The following CBFA2T2 variants were observed in gnomAD, a reference collection of about 807,000 sequenced individuals.
CBFA2T2 encodes protein CBFA2T2.
A neutral mutation model predicts 62.2 loss-of-function variants in CBFA2T2; 11 were observed. The observed-to-expected ratio is 0.18, with a 90% CI of 0.11 to 0.29. The LOEUF is 0.29. CBFA2T2 is among the 10% of genes least tolerant of loss of function. The probability of loss-of-function intolerance (pLI) is 1.00; values close to 1 mark genes in which losing one functional copy is unlikely to be tolerated. For missense variants in CBFA2T2, 592 were observed against 774.1 expected, an observed-to-expected ratio of 0.76 and a Z score of 2.79; for synonymous variants, 295 against 287.5, an observed-to-expected ratio of 1.03 and a Z score of -0.27.
intron 1 of CBFA2T2, among the ~76,000 whole-genome samples, chr20:33,543,532 A>G (rs1272275481): frequency 6.6e-6 from 1 of 152,222 alleles, no homozygotes; most frequent in Non-Finnish European, 1.5e-5. Flanking sequence ...ATGAACACGT[A>G]CTAGAGAACC....
chr20:33,548,040 G>C (rs1665163426), intron 1 of CBFA2T2, among the ~76,000 whole-genome samples: 1 of 152,020 alleles, frequency 6.6e-6, no homozygotes, highest in Middle Eastern at 3.4e-3. Flanking sequence ...TTAAGTGCTG[G>C]GATTACAGGC....
chr20:33,574,966 C>T (rs1225039419), intron 1 of CBFA2T2, among the ~76,000 whole-genome samples: 1 of 152,056 alleles, frequency 6.6e-6, no homozygotes, highest in Non-Finnish European at 1.5e-5. Flanking sequence ...TTAAAGGGAG[C>T]CTGGATGAAT....
chr20:33,586,211 C>T (rs1047323123), intron 1 of CBFA2T2, among the ~76,000 whole-genome samples: 3 of 152,138 alleles, frequency 2.0e-5, no homozygotes, highest in Non-Finnish European at 4.4e-5. Context: ...CGGAGTCTTC[C>T]TCTGTCACCC....
At chr20:33,606,853 A>G in intron 1 of CBFA2T2, 103 bp from the exon 2 acceptor site, 1 of 1,117,786 alleles carries the variant, frequency 8.9e-7, no homozygotes, top group Non-Finnish European at 1.3e-6. Context: ...TCAGCCTATT[A>G]TACCAAGCAG....
intron 1 of CBFA2T2, among the ~76,000 whole-genome samples, chr20:33,553,207 T>G (rs2012787072): frequency 6.6e-6 from 1 of 152,182 alleles, no homozygotes; most frequent in African/African-American, 2.4e-5. Flanking sequence ...GCTACGTTGT[T>G]GCTATAAATC....
rs575038777 is a variant in CBFA2T2 at position 33,556,953 on chromosome 20, G to A, written c.35-50003G>A. Among the ~76,000 whole-genome samples, 5 of 137,136 alleles carry A rather than the reference G, an allele frequency of 3.6e-5. No homozygotes were observed. The South Asian group carries it at 1.2e-3, about 32-fold the overall frequency. The allele number at this position is 137,136 out of a possible 152,430, so 90.0% of individuals were successfully genotyped here. A position where few individuals can be genotyped will look rare whatever the true frequency, so the allele number is the denominator to read the frequency against. On this transcript the variant is annotated intron_variant, in intron 1 of 10. Coordinates refer to ENST00000342704, the MANE Select transcript of CBFA2T2 (RefSeq NM_001032999.3). ...TTTAGTGTTCTTTTGACATACCCCTGTCATTTTTGAGCAGTCTCTTACTTT... is the reference window on the plus strand; with the variant it reads ...TTTAGTGTTCTTTTGACATACCCCTATCATTTTTGAGCAGTCTCTTACTTT...
chr20:33,518,854 C>T (rs2146859824), intron 1 of CBFA2T2, among the ~76,000 whole-genome samples: 1 of 151,308 alleles, frequency 6.6e-6, no homozygotes, highest in African/African-American at 2.4e-5. Flanking sequence ...CGGAGTCTGG[C>T]TCTGTTGCCC....
intron 9 of CBFA2T2, 74 bp from the exon 10 acceptor site, chr20:33,640,267 C>G: frequency 7.3e-7 from 1 of 1,362,928 alleles, no homozygotes; most frequent in Non-Finnish European, 1.0e-6. Flanking sequence ...CAGCTCTCTC[C>G]TTACTTAGAA....
intron 1 of CBFA2T2, among the ~76,000 whole-genome samples, chr20:33,494,263 ATATATATATATTTTT>A (rs1342511608): frequency 2.9e-5 from 2 of 69,216 alleles, no homozygotes; most frequent in Admixed American, 2.2e-4. Context: ...ATATATATAT[ATATATATATATTTTT>A]TTTTTTTTTT....
chr20:33,618,583 C>CA (rs1277239006), intron 3 of CBFA2T2: 2 of 152,142 alleles, frequency 1.3e-5, no homozygotes, highest in African/African-American at 2.4e-5. Flanking sequence ...ATGCATAATG[C>CA]ATACAGGCCA....
In CBFA2T2 at chr20:33,543,052, C is replaced by T. The variant is rs143880654; in HGVS notation, c.34+52751C>T. 1.4e-4 allele frequency among the ~76,000 whole-genome samples: 22 copies of T among 152,150 alleles called. 1 individual carries two copies. The East Asian group carries it at 3.9e-3, about 27-fold the overall frequency. ...TTTTTGAGACAGAGTCTTGCCCTGT[C>T]GCCCAGGCTGGAGTGCAGTGGCATG... On this transcript the variant is annotated intron_variant, in intron 1 of 10. Transcript: ENST00000342704.
At chr20:33,530,959 A>AATC (rs2012043092) in intron 1 of CBFA2T2, among the ~76,000 whole-genome samples, 1 of 152,090 alleles carries the variant, frequency 6.6e-6, no homozygotes, top group South Asian at 2.1e-4. Context: ...AGGCGCCTGT[A>AATC]ATCGCAGCTC....
At position 33,490,122 on chromosome 20, in the gene CBFA2T2, C is replaced by A; in HGVS notation, c.-146C>A. The A allele has an allele frequency of 1.3e-6, 1 of 787,524 alleles. No homozygotes were observed. The highest frequency in any genetic ancestry group is 1.7e-6 in the Non-Finnish European group (1 of 605,626). The allele number at this position is 787,524 out of a possible 1,614,324, so 48.8% of individuals were successfully genotyped here. A position where few individuals can be genotyped will look rare whatever the true frequency, so the allele number is the denominator to read the frequency against. On this transcript the variant is annotated 5_prime_UTR_variant, in exon 1 of 11. Coordinates refer to ENST00000342704, the MANE Select transcript of CBFA2T2 (RefSeq NM_001032999.3). ...GCGGCGGCGGCGACGGCGACAGCAG[C>A]GGTGGTGGTGTCTGGTTAGCTCGGC...
At chr20:33,529,112 G>A (rs568264718) in intron 1 of CBFA2T2, among the ~76,000 whole-genome samples, 10 of 152,096 alleles carry the variant, frequency 6.6e-5, no homozygotes, top group South Asian at 2.1e-4. Context: ...TGCAAGCTCC[G>A]CCTACCGGGT....
chr20:33,531,841 T>C (rs971319002), intron 1 of CBFA2T2, among the ~76,000 whole-genome samples: 1 of 152,178 alleles, frequency 6.6e-6, no homozygotes, highest in African/African-American at 2.4e-5. Context: ...AGTGGACCCG[T>C]TGACAACAAA....
chr20:33,563,228 TATAAA>T (rs1165975760), intron 1 of CBFA2T2, among the ~76,000 whole-genome samples: 3 of 152,230 alleles, frequency 2.0e-5, no homozygotes, highest in African/African-American at 7.2e-5. Context: ...TCTTGCTACA[TATAAA>T]ATAAATAACA....
intron 8 of CBFA2T2, among the ~76,000 whole-genome samples, chr20:33,633,961 TTTTG>T (rs1403341010): frequency 1.3e-5 from 2 of 152,148 alleles, no homozygotes; most frequent in African/African-American, 4.8e-5. Context: ...TAAAATTTTT[TTTTG>T]TTTGTTTGTT....
chr20:33,624,052 A>G, intron 5 of CBFA2T2: 2 of 538,920 alleles, frequency 3.7e-6, no homozygotes, highest in East Asian at 5.9e-5. Flanking sequence ...TGATCTGAGA[A>G]GTTTTGAAAA....
At chr20:33,515,268 T>C (rs1241054323) in intron 1 of CBFA2T2, among the ~76,000 whole-genome samples, 1 of 149,302 alleles carries the variant, frequency 6.7e-6, no homozygotes, top group Non-Finnish European at 1.5e-5. Flanking sequence ...GGAGAATTGC[T>C]TGAAACCTGG....
Sources: gnomAD v4.1 joint callset for allele counts (sites outside exome capture counted in the v4.1 genomes callset) on GRCh38, gnomAD v4.1.1 for gene constraint, MANE v1.5 for transcripts, NCBI Gene and HGNC (gene_info 2026-07-23, HGNC 2026-07-21) for gene names.